LILRB1: variants seen among roughly 807,000 people sequenced by gnomAD.
The protein encoded by LILRB1 is leukocyte immunoglobulin-like receptor subfamily B member 1.
Under a neutral mutation model 74.6 loss-of-function variants are expected in LILRB1, and 59 were observed. The ratio of observed to expected loss-of-function variants is 0.79; its 90% CI spans 0.64 to 0.98. The LOEUF (loss-of-function observed/expected upper bound fraction) is 0.98. Ranked by LOEUF, LILRB1 falls within the 50% of genes least tolerant of loss-of-function variation. LILRB1 has a pLI of 0.00. For synonymous variants in LILRB1, 328 were observed against 333.9 expected (o/e 0.98, Z 0.19); for missense variants, 804 against 822.6 (o/e 0.98, Z 0.28).
chr19:54,625,389 G>T (rs272420), intron 1 of LILRB1, among the ~76,000 whole-genome samples: 64,077 of 151,324 alleles, frequency 0.42, 14,642 homozygotes, highest in Non-Finnish European at 0.53. Context: ...TAAGGCAGTG[G>T]CAGCTGGACC....
rs755200926 is a variant in LILRB1 at position 54,633,997 on chromosome 19, C to T, written c.1339C>T (p.Pro447Ser). The change falls in exon 9 of 15, where the codon CCC (proline) becomes TCC (serine). Residue 447 changes from proline (P) to serine (S), a missense_variant. Coordinates refer to ENST00000324602, the MANE Select transcript of LILRB1 (RefSeq NM_001081637.3). ...AGGCCCTGAGGACCAGCCCCTCACC[C>T]CCACCGGGTCGGATCCCCAGAGTGG... ...SAGPEDQPLT[P>S]TGSDPQSGLG... 13 of 1,598,464 alleles carry T rather than the reference C, an allele frequency of 8.1e-6. No homozygotes were observed. Among genetic ancestry groups the T allele is most frequent in the Admixed American group, 1.7e-5 (1 of 57,914 alleles).
At chr19:54,636,033 A>T (rs767290463) in intron 13 of LILRB1, 2 of 542,946 alleles carry the variant, frequency 3.7e-6, no homozygotes, top group Admixed American at 4.5e-5. Context: ...TCGTGGTGGG[A>T]GACAAAATGC....
intron 14 of LILRB1, 34 bp from the exon 15 acceptor site, chr19:54,636,698 C>G: frequency 6.2e-7 from 1 of 1,607,012 alleles, no homozygotes; most frequent in Non-Finnish European, 8.5e-7. Context: ...CCACCCCCAC[C>G]ACGTTCCTTC....
upstream of LILRB1, among the ~76,000 whole-genome samples, chr19:54,628,130 G>C (rs1345079096): frequency 6.6e-6 from 1 of 152,148 alleles, no homozygotes; most frequent in Non-Finnish European, 1.5e-5. Context: ...CTTCTGAAAA[G>C]AGGCAAAGGT....
rs992667706 is a variant in LILRB1 at position 54,634,915 on chromosome 19, G to C, written c.1486+152G>C. ...TCGACAGTCAGTCCCATCTACAAAT[G>C]TAAAGTGTCCTTCGGGCTCAGTGCC... On this transcript the variant is annotated intron_variant, in intron 10 of 14. Coordinates refer to ENST00000324602, the MANE Select transcript of LILRB1 (RefSeq NM_001081637.3). The C allele has an allele frequency of 1.2e-5, 18 of 1,483,978 alleles. No individual in the cohort carries two copies. The East Asian group carries it at 4.1e-4, about 34-fold the overall frequency. 91.9% of individuals were successfully genotyped at this position (1,483,978 alleles called of 1,614,324 possible). A position where few individuals can be genotyped will look rare whatever the true frequency, so the allele number is the denominator to read the frequency against.
chr19:54,628,239 G>C (rs1185200633), upstream of LILRB1, among the ~76,000 whole-genome samples: 1 of 152,220 alleles, frequency 6.6e-6, no homozygotes, highest in African/African-American at 2.4e-5. Flanking sequence ...CCTAATGCTT[G>C]CTTGGACCAG....
intron 13 of LILRB1, chr19:54,635,927 A>G (rs1200452609): frequency 8.3e-6 from 5 of 601,262 alleles, no homozygotes; most frequent in Non-Finnish European, 1.6e-5. Context: ...TCATTCAACC[A>G]GCAAGTGTTC....
At chr19:54,618,100 C>CAAAAAAAAAAA (rs1202106742) in intron 1 of LILRB1, among the ~76,000 whole-genome samples, 2 of 78,138 alleles carry the variant, frequency 2.6e-5, no homozygotes, top group Non-Finnish European at 4.8e-5. Flanking sequence ...GCCCCTGCCT[C>CAAAAAAAAAAA]AAAAAAAAAA....
At chr19:54,629,678 C>G (rs1377993888), upstream of LILRB1, among the ~76,000 whole-genome samples, 1 of 141,950 alleles carries the variant, frequency 7.0e-6, no homozygotes, top group Non-Finnish European at 1.6e-5. Context: ...TGGTCTGGAG[C>G]CCTGAGCCCC....
chr19:54,617,272 T>C (rs1315337204), exon 1 of LILRB1: 2 of 152,216 alleles, frequency 1.3e-5, no homozygotes, highest in East Asian at 1.9e-4. Flanking sequence ...GGGCACTCCA[T>C]TGGTTTTATG....
intron 13 of LILRB1, 89 bp downstream of exon 13, chr19:54,635,698 C>G (rs772863107): frequency 2.7e-6 from 4 of 1,460,186 alleles, no homozygotes; most frequent in Non-Finnish European, 3.8e-6. Context: ...TCCCCCGGCT[C>G]TCAGCATCGT....
In LILRB1 at chr19:54,631,726, C is replaced by G. The variant is rs373674579; in HGVS notation, c.297C>G (p.Tyr99Ter). The G allele has an allele frequency of 6.2e-7, 1 of 1,613,426 alleles. No homozygotes were observed. Among genetic ancestry groups the G allele is most frequent in the Non-Finnish European group, 8.5e-7 (1 of 1,179,604 alleles). ...TWEHTGRYRC[Y>*]YGSDTAGRSE... ...AACACACAGGGCGGTATCGCTGTTA[C>G]TATGGTAGCGACACTGCAGGCCGCT... Residue 99 changes from tyrosine to a stop codon, truncating the protein, a stop_gained, in exon 4 of 15, where the codon TAC becomes TAG. Coordinates refer to ENST00000324602, the MANE Select transcript of LILRB1 (RefSeq NM_001081637.3). LOFTEE classifies it high-confidence loss of function.
At chr19:54,621,853 T>A (rs1332033766) in intron 1 of LILRB1, among the ~76,000 whole-genome samples, 1 of 152,226 alleles carries the variant, frequency 6.6e-6, no homozygotes, top group South Asian at 2.1e-4. Context: ...CATCTTGAGT[T>A]GATTTTTGTA....
intron 1 of LILRB1, among the ~76,000 whole-genome samples, chr19:54,619,366 G>T (rs1246199427): frequency 6.6e-6 from 1 of 152,010 alleles, no homozygotes; most frequent in African/African-American, 2.4e-5. Flanking sequence ...AATGTAGTTG[G>T]TTATGATTAA....
rs769871972 is a variant in LILRB1, at chr19:54,636,835, C to G, written c.1916C>G (p.Ser639Cys). 2.5e-6 allele frequency: 4 copies of G among 1,613,638 alleles called. No individual in the cohort carries two copies. In the South Asian group the frequency reaches 3.3e-5, roughly 13 times the overall value. The change falls in exon 15 of 15, where the codon TCT (serine) becomes TGT (cysteine). Residue 639 changes from serine (S) to cysteine (C), a missense_variant. Ser to Cys is a moderately radical substitution (Grantham distance 112). Coordinates refer to ENST00000324602, the MANE Select transcript of LILRB1 (RefSeq NM_001081637.3). Reference protein sequence around the residue: ...TEPPPSQEGPSPAVPSIYATL... With the variant: ...TEPPPSQEGPCPAVPSIYATL... ...CCTCCTCCATCCCAGGAAGGGCCCTCTCCAGCTGTGCCCAGCATCTACGCC... is the reference window on the plus strand; with the variant it reads ...CCTCCTCCATCCCAGGAAGGGCCCTGTCCAGCTGTGCCCAGCATCTACGCC...
At chr19:54,617,422 C>T (rs917465953) in intron 1 of LILRB1, 1 of 152,086 alleles carries the variant, frequency 6.6e-6, no homozygotes, top group Non-Finnish European at 1.5e-5. Flanking sequence ...TTCTTTTCTG[C>T]CTGCTTTACA....
chr19:54,625,674 T>TCTCA, upstream of LILRB1, among the ~76,000 whole-genome samples: 1 of 140,630 alleles, frequency 7.1e-6, no homozygotes, highest in Non-Finnish European at 1.5e-5. Flanking sequence ...TTAGGGACCC[T>TCTCA]CTCACTCACC....
upstream of LILRB1, among the ~76,000 whole-genome samples, chr19:54,628,258 T>C (rs941951800): frequency 6.6e-6 from 1 of 152,252 alleles, no homozygotes; most frequent in East Asian, 1.9e-4. Flanking sequence ...AGTATAAGCA[T>C]GCCAGGGCAA....
At chr19:54,632,259 C>G (rs759321041) in intron 5 of LILRB1, 22 bp downstream of exon 5, 5 of 1,603,418 alleles carry the variant, frequency 3.1e-6, no homozygotes, top group Non-Finnish European at 3.4e-6. Flanking sequence ...ACAGCATTGC[C>G]TGGAGTTCCC....
Sources: gnomAD v4.1 joint callset for allele counts (sites outside exome capture counted in the v4.1 genomes callset) on GRCh38, gnomAD v4.1.1 for gene constraint, MANE v1.5 for transcripts, NCBI Gene and HGNC (gene_info 2026-07-23, HGNC 2026-07-21) for gene names.